Variants in REDIC1 observed in about 807,000 individuals in gnomAD.
The protein encoded by REDIC1 is regulator of DNA class I crossover intermediates 1, also known as HEI10 Interacting Protein 1.
the REDIC1 span, among the ~76,000 whole-genome samples, chr12:39,753,958 C>T: frequency 6.6e-6 from 1 of 152,070 alleles, no homozygotes. Flanking sequence ...TTAGACAATG[C>T]ATTATATTGC....
At chr12:39,778,505 C>T in the REDIC1 span, among the ~76,000 whole-genome samples, 10 of 152,036 alleles carry the variant, frequency 6.6e-5, no homozygotes, top group Non-Finnish European at 1.2e-4. Context: ...ACTCATAACC[C>T]GGTTCCAAAG....
chr12:39,805,249 C>G, the REDIC1 span, among the ~76,000 whole-genome samples: 2 of 152,146 alleles, frequency 1.3e-5, no homozygotes, highest in African/African-American at 4.8e-5. Flanking sequence ...GAGTGTTGAA[C>G]AGAAAGTGGT....
the REDIC1 span, among the ~76,000 whole-genome samples, chr12:39,712,994 CGTGTATATGTATATATACAT>C: frequency 4.1e-4 from 55 of 134,220 alleles, no homozygotes; most frequent in East Asian, 6.4e-3. Context: ...TGTGTATATA[CGTGTATATGTATATATACAT>C]GTGTATATAC....
the REDIC1 span, among the ~76,000 whole-genome samples, chr12:39,752,857 T>TC: frequency 2.0e-5 from 3 of 152,102 alleles, no homozygotes; most frequent in African/African-American, 7.3e-5. Flanking sequence ...TCAGATTCCT[T>TC]TTTAAAGTCA....
At chr12:39,896,162 A>T in the REDIC1 span, among the ~76,000 whole-genome samples, 3 of 149,142 alleles carry the variant, frequency 2.0e-5, no homozygotes, top group Non-Finnish European at 4.5e-5. Context: ...ATACACGTGT[A>T]TACATATATG....
chr12:39,889,725 T>C, the REDIC1 span, among the ~76,000 whole-genome samples: 5 of 151,670 alleles, frequency 3.3e-5, no homozygotes, highest in Admixed American at 3.3e-4. Flanking sequence ...AGAGACGGGG[T>C]TTCACCATGT....
chr12:39,873,643 G>A, the REDIC1 span, among the ~76,000 whole-genome samples: 1 of 151,984 alleles, frequency 6.6e-6, no homozygotes, highest in Non-Finnish European at 1.5e-5. Context: ...AGAGGCAGGG[G>A]AAAATTAAAA....
At chr12:39,840,494 T>C in the REDIC1 span, among the ~76,000 whole-genome samples, 1 of 152,058 alleles carries the variant, frequency 6.6e-6, no homozygotes, top group Non-Finnish European at 1.5e-5. Context: ...CTACTTGCCA[T>C]TTCTCCATAG....
chr12:39,868,180 A>T, the REDIC1 span, among the ~76,000 whole-genome samples: 1 of 152,338 alleles, frequency 6.6e-6, no homozygotes, highest in East Asian at 1.9e-4. Context: ...AAAGAATTTT[A>T]TCTGGTGTAC....
At chr12:39,745,410 T>A in the REDIC1 span, among the ~76,000 whole-genome samples, 1 of 150,168 alleles carries the variant, frequency 6.7e-6, no homozygotes, top group Non-Finnish European at 1.5e-5. Flanking sequence ...TTCAGATTTA[T>A]AAAGCTGAGC....
chr12:39,638,716 A>G, the REDIC1 span, among the ~76,000 whole-genome samples: 1 of 152,074 alleles, frequency 6.6e-6, no homozygotes, highest in Non-Finnish European at 1.5e-5. Context: ...TGTTTAAGAA[A>G]TGACCTTTGA....
chr12:39,906,097 A>G, the REDIC1 span, among the ~76,000 whole-genome samples: 2 of 146,340 alleles, frequency 1.4e-5, no homozygotes. Flanking sequence ...AAATTCACCT[A>G]TGTTGGACAA....
At chr12:39,658,522 T>A in the REDIC1 span, among the ~76,000 whole-genome samples, 1 of 152,240 alleles carries the variant, frequency 6.6e-6, no homozygotes, top group African/African-American at 2.4e-5. Flanking sequence ...ACAAGGAACA[T>A]ACTTTGTATG....
At chr12:39,895,512 AATTATATAT>A in the REDIC1 span, among the ~76,000 whole-genome samples, 2 of 4,802 alleles carry the variant, frequency 4.2e-4, no homozygotes, top group African/African-American at 5.9e-4. Context: ...AAAAAAAAAA[AATTATATAT>A]ATATATATAT....
the REDIC1 span, among the ~76,000 whole-genome samples, chr12:39,706,495 C>A: frequency 3.3e-5 from 5 of 151,890 alleles, no homozygotes; most frequent in Non-Finnish European, 7.4e-5. Context: ...CAAGAATAGC[C>A]TAAGTTATCC....
At chr12:39,628,404 C>G in the REDIC1 span, among the ~76,000 whole-genome samples, 1 of 152,096 alleles carries the variant, frequency 6.6e-6, no homozygotes, top group Non-Finnish European at 1.5e-5. Flanking sequence ...TGAACTAGTG[C>G]TTTTAGTAAC....
the REDIC1 span, among the ~76,000 whole-genome samples, chr12:39,810,719 T>A: frequency 5.3e-5 from 8 of 152,296 alleles, no homozygotes; most frequent in African/African-American, 1.4e-4. Flanking sequence ...TTTCTGTATG[T>A]ATTAAGATGA....
At chr12:39,712,144 A>G in the REDIC1 span, among the ~76,000 whole-genome samples, 6,830 of 129,478 alleles carry the variant, frequency 0.053, 307 homozygotes, top group Non-Finnish European at 0.079. Context: ...ACATATACAT[A>G]CATCTATACA....
At chr12:39,766,393 A>C in the REDIC1 span, among the ~76,000 whole-genome samples, 1 of 152,086 alleles carries the variant, frequency 6.6e-6, no homozygotes. Context: ...ACAAACCTTA[A>C]TTTTAAAATA....
Sources: allele counts gnomAD v4.1 joint callset (sites outside exome capture counted in the v4.1 genomes callset), GRCh38; gene constraint gnomAD v4.1.1; transcripts MANE v1.5; gene names NCBI Gene and HGNC (gene_info 2026-07-23, HGNC 2026-07-21).